Variants in ADGRB3 observed in about 807,000 individuals in gnomAD.
The protein encoded by ADGRB3 is brain-specific angiogenesis inhibitor 3.
ADGRB3 carries 37 observed loss-of-function variants against 193.4 expected under a neutral mutation model. The observed-to-expected ratio is 0.19, with a 90% confidence interval of 0.15 to 0.25. The LOEUF (loss-of-function observed/expected upper bound fraction) is 0.25. Ranked by LOEUF, ADGRB3 falls within the 10% of genes least tolerant of loss-of-function variation. The probability of loss-of-function intolerance (pLI) is 1.00; values close to 1 mark genes in which losing one functional copy is unlikely to be tolerated. For missense variants in ADGRB3, 1,637 were observed against 1,852.9 expected, an observed-to-expected ratio of 0.88 and a Z score of 2.14; for synonymous variants, 690 against 644.2, an observed-to-expected ratio of 1.07 and a Z score of -1.08.
At chr6:68,821,741 T>C (rs1188440114) in intron 3 of ADGRB3, among the ~76,000 whole-genome samples, 2 of 151,940 alleles carry the variant, frequency 1.3e-5, no homozygotes, top group Admixed American at 1.3e-4. Context: ...GCTGCATTGT[T>C]CTATTTAAAC....
chr6:68,928,230 T>A (rs1281710550), intron 3 of ADGRB3, among the ~76,000 whole-genome samples: 2 of 152,120 alleles, frequency 1.3e-5, no homozygotes. Flanking sequence ...GTGACACTTT[T>A]AAAATCATCC....
intron 3 of ADGRB3, among the ~76,000 whole-genome samples, chr6:68,679,137 G>C (rs923250463): frequency 3.3e-5 from 5 of 151,914 alleles, no homozygotes; most frequent in Non-Finnish European, 7.4e-5. Flanking sequence ...TTCAATATTT[G>C]TTAGATATAA....
intron 3 of ADGRB3, among the ~76,000 whole-genome samples, chr6:68,910,195 A>G: frequency 6.6e-6 from 1 of 152,172 alleles, no homozygotes. Context: ...TTGGCTGCAT[A>G]AATATCTTCT....
At chr6:68,926,924 A>G (rs1012570912) in intron 3 of ADGRB3, among the ~76,000 whole-genome samples, 3 of 152,142 alleles carry the variant, frequency 2.0e-5, no homozygotes, top group African/African-American at 7.2e-5. Flanking sequence ...ATTGTACTGA[A>G]GGAAATTATT....
intron 20 of ADGRB3, among the ~76,000 whole-genome samples, chr6:69,240,162 T>C (rs1288304255): frequency 1.3e-5 from 2 of 152,096 alleles, no homozygotes; most frequent in Non-Finnish European, 2.9e-5. Context: ...TTTATTTTGC[T>C]AACCTACGTT....
Position 69,212,334 on chromosome 6 carries a change from C to T in ADGRB3, c.2481-20956C>T, listed in dbSNP as rs144586071. Among the ~76,000 whole-genome samples the T allele has an allele frequency of 1.5e-3, 229 of 152,174 alleles. 1 individual carries two copies. Among genetic ancestry groups the T allele is most frequent in the Middle Eastern group, 3.4e-3 (1 of 294 alleles). Reference sequence around the variant, plus strand: ...AAATGGAAACACAAGTTCAATTAGCCTGAAATAGGAGAAACATAAGACTGT... The same window carrying T: ...AAATGGAAACACAAGTTCAATTAGCTTGAAATAGGAGAAACATAAGACTGT... On this transcript the variant is annotated intron_variant, in intron 17 of 31. Coordinates refer to ENST00000370598, the MANE Select transcript of ADGRB3 (RefSeq NM_001704.3).
intron 15 of ADGRB3, among the ~76,000 whole-genome samples, chr6:69,055,857 T>TCTC (rs1256985920): frequency 6.6e-6 from 1 of 152,062 alleles, no homozygotes. Context: ...GTGCACACAG[T>TCTC]CTCGCTCTGT....
At chr6:68,900,169 G>T (rs1766354285) in intron 3 of ADGRB3, among the ~76,000 whole-genome samples, 1 of 152,106 alleles carries the variant, frequency 6.6e-6, no homozygotes. Flanking sequence ...TAGGATGACA[G>T]TCAAATGAAT....
rs529615175 is a variant in ADGRB3, at chr6:68,728,964, G to C, written c.757+89532G>C. Among the ~76,000 whole-genome samples the C allele has an allele frequency of 3.3e-5, 5 of 151,390 alleles. No homozygotes were observed. In the East Asian group the frequency reaches 9.8e-4, roughly 30 times the overall value. On this transcript the variant is annotated intron_variant, in intron 3 of 31. Transcript: ENST00000370598. ...AATGTGATTTTTTTTTTATTTAGAA[G>C]CATACATATACCTTTCCTTTTTCCA...
chr6:69,011,163 GTGTGTA>G (rs780102201), intron 11 of ADGRB3, among the ~76,000 whole-genome samples: 167 of 142,162 alleles, frequency 1.2e-3, no homozygotes, highest in East Asian at 2.7e-3. Flanking sequence ...GTGTGTGTGT[GTGTGTA>G]TATATATATT....
chr6:68,751,862 T>C (rs1271071850), intron 3 of ADGRB3, among the ~76,000 whole-genome samples: 25 of 152,138 alleles, frequency 1.6e-4, no homozygotes, highest in Admixed American at 1.6e-3. Context: ...AATTTGGGTG[T>C]GATACAACTA....
chr6:69,243,210 G>T lies in ADGRB3; in HGVS notation c.2814+3984G>T, dbSNP rs144018943. ...CTCTCTCTCACAAGCTCACTACCAGGTTATAAAAAAAAGCAAGTCTAAGTC... is the reference window on the plus strand; with the variant it reads ...CTCTCTCTCACAAGCTCACTACCAGTTTATAAAAAAAAGCAAGTCTAAGTC... On this transcript the variant is annotated intron_variant, in intron 20 of 31. Coordinates refer to ENST00000370598, the MANE Select transcript of ADGRB3 (RefSeq NM_001704.3). Among the ~76,000 whole-genome samples, 1,079 of 151,770 alleles carry T rather than the reference G, an allele frequency of 7.1e-3. 5 individuals are homozygous for T. The highest frequency in any genetic ancestry group is 0.011 in the Non-Finnish European group (753 of 67,828).
intron 17 of ADGRB3, among the ~76,000 whole-genome samples, chr6:69,130,905 G>C (rs1773990862): frequency 6.6e-6 from 1 of 151,932 alleles, no homozygotes; most frequent in African/African-American, 2.4e-5. Flanking sequence ...AGGCCTCTCT[G>C]AACATGTTTT....
At chr6:69,108,957 G>T (rs987637334) in intron 17 of ADGRB3, among the ~76,000 whole-genome samples, 2 of 152,106 alleles carry the variant, frequency 1.3e-5, no homozygotes, top group Admixed American at 6.5e-5. Flanking sequence ...AGAAGAATAG[G>T]TATAAACTGG....
chr6:68,967,631 G>A (rs1290457404), intron 8 of ADGRB3, among the ~76,000 whole-genome samples: 10 of 147,772 alleles, frequency 6.8e-5, no homozygotes, highest in Admixed American at 3.4e-4. Context: ...CACACACAAC[G>A]TCTACAGTAT....
intron 3 of ADGRB3, among the ~76,000 whole-genome samples, chr6:68,792,216 A>G (rs1767120471): frequency 6.6e-6 from 1 of 152,216 alleles, no homozygotes; most frequent in Non-Finnish European, 1.5e-5. Flanking sequence ...CAATTCATAA[A>G]GAAGTCTAGG....
chr6:69,313,120 A>G (rs1002923022), intron 20 of ADGRB3, among the ~76,000 whole-genome samples: 5 of 151,862 alleles, frequency 3.3e-5, no homozygotes, highest in Non-Finnish European at 7.4e-5. Context: ...GACTGTCTGA[A>G]TTGCTTATTC....
chr6:69,372,919 CT>C (rs200348229), intron 30 of ADGRB3, among the ~76,000 whole-genome samples: 25 of 150,274 alleles, frequency 1.7e-4, no homozygotes, highest in African/African-American at 5.6e-4. Flanking sequence ...ACATTTGATG[CT>C]TTTTTTTTCA....
intron 17 of ADGRB3, among the ~76,000 whole-genome samples, chr6:69,214,959 G>T (rs140570119): frequency 2.0e-5 from 3 of 151,968 alleles, no homozygotes; most frequent in African/African-American, 7.2e-5. Context: ...TTCCTGATAC[G>T]ATATTCCAAG....
Sources: allele counts gnomAD v4.1 joint callset (sites outside exome capture counted in the v4.1 genomes callset), GRCh38; gene constraint gnomAD v4.1.1; transcripts MANE v1.5; gene names NCBI Gene and HGNC (gene_info 2026-07-23, HGNC 2026-07-21).